ITPR2: variants seen among roughly 807,000 people sequenced by gnomAD.
The protein encoded by ITPR2 is inositol 1,4,5-trisphosphate receptor type 2.
A neutral mutation model predicts 317.1 loss-of-function variants in ITPR2; 207 were observed. The observed-to-expected ratio is 0.65, with a 90% confidence interval of 0.58 to 0.73. The LOEUF (loss-of-function observed/expected upper bound fraction) is 0.73. ITPR2 is among the 30% of genes least tolerant of loss of function. ITPR2 has a pLI of 0.00. For synonymous variants in ITPR2, 1,156 were observed against 1,149.1 expected (o/e 1.01, Z -0.12); for missense variants, 2,613 against 3,284.0 (o/e 0.80, Z 4.99).
At position 26,722,518 on chromosome 12, in the gene ITPR2, T is replaced by C. The variant is rs775107044; in HGVS notation, c.404A>G (p.Asn135Ser). ...HIKSNKYLTV[N>S]KRLPALLEKN... Reference sequence around the variant, plus strand: ...CTCCAGTAAAGCAGGTAATCTCTTGTTGACAGTAAGATATTTGTTGCTTTT... The same window carrying C: ...CTCCAGTAAAGCAGGTAATCTCTTGCTGACAGTAAGATATTTGTTGCTTTT... The change falls in exon 5 of 57, where the codon AAC (asparagine) becomes AGC (serine). Residue 135 changes from asparagine (N) to serine (S), a missense_variant. Asn to Ser is a conservative substitution (Grantham distance 46, BLOSUM62 1). Around this residue, in one of 9 missense-constraint regions of ITPR2, gnomAD observed 515 missense variants for 789.4 expected, o/e 0.65. Transcript: ENST00000381340. 8 of 1,612,908 alleles carry C rather than the reference T, an allele frequency of 5.0e-6. No individual in the cohort carries two copies. The highest frequency in any genetic ancestry group is 6.8e-6 in the Non-Finnish European group (8 of 1,179,282).
intron 37 of ITPR2, among the ~76,000 whole-genome samples, chr12:26,500,791 T>G (rs1179712970): frequency 6.6e-6 from 1 of 152,124 alleles, no homozygotes; most frequent in Non-Finnish European, 1.5e-5. Context: ...GAAAGGATAA[T>G]CAAATTTATG....
At chr12:26,466,356 A>G (rs956113851) in intron 45 of ITPR2, among the ~76,000 whole-genome samples, 5 of 152,220 alleles carry the variant, frequency 3.3e-5, no homozygotes, top group Non-Finnish European at 5.9e-5. Context: ...ATAGGTATCA[A>G]TTATACTCTT....
rs376530867 is a variant in ITPR2 at position 26,399,038 on chromosome 12, G to A, written c.7534C>T (p.Pro2512Ser). Residue 2512 changes from proline (P) to serine (S), a missense_variant, in exon 54 of 57, where the codon CCC becomes TCC. Pro to Ser is a moderately conservative substitution (Grantham distance 74, BLOSUM62 -1). Coordinates refer to ENST00000381340, the MANE Select transcript of ITPR2 (RefSeq NM_002223.4). ...DVLRRPSKDE[P>S]LFAARVVYDL... The stretch of plus-strand genomic sequence containing the variant: ...TAAACCACTCGGGCAGCAAACAAGG[G>A]CTCCTGAAATAAAAATATTTAAAAA... 9 of 1,571,220 alleles carry A rather than the reference G, an allele frequency of 5.7e-6. No individual in the cohort carries two copies. Among genetic ancestry groups the A allele is most frequent in the Non-Finnish European group, 7.7e-6 (9 of 1,166,686 alleles).
intron 26 of ITPR2, among the ~76,000 whole-genome samples, chr12:26,615,524 T>C (rs933185402): frequency 1.3e-5 from 2 of 152,182 alleles, no homozygotes; most frequent in African/African-American, 4.8e-5. Flanking sequence ...ATGTACTATA[T>C]AGTAATATAT....
chr12:26,597,310 G>A (rs1333024321), intron 30 of ITPR2, among the ~76,000 whole-genome samples, 176 bp from the exon 31 acceptor site: 1 of 152,206 alleles, frequency 6.6e-6, no homozygotes, highest in Non-Finnish European at 1.5e-5. Context: ...CCATGCCAAG[G>A]AACCAGCTAT....
chr12:26,340,920 T>C (rs1172836551), intron 55 of ITPR2, among the ~76,000 whole-genome samples: 1 of 152,062 alleles, frequency 6.6e-6, no homozygotes, highest in East Asian at 1.9e-4. Flanking sequence ...TGGGTGAGAG[T>C]TAGACTTCCC....
At position 26,826,464 on chromosome 12, in the gene ITPR2, C is replaced by T. The variant is rs56187875; in HGVS notation, c.92+6226G>A. 9.8e-3 allele frequency among the ~76,000 whole-genome samples: 1,495 copies of T among 152,196 alleles called. 8 individuals are homozygous for T. Among genetic ancestry groups the T allele is most frequent in the Non-Finnish European group, 0.017 (1,133 of 68,022 alleles). ...GAATTATAAACTGTGTGACCCCCTC[C>T]CTATCACCCTACCAGACATCCATCC... On this transcript the variant is annotated intron_variant, in intron 1 of 56. Coordinates refer to ENST00000381340, the MANE Select transcript of ITPR2 (RefSeq NM_002223.4).
In ITPR2 at chr12:26,411,477, C is replaced by T. The variant is rs1053002270; in HGVS notation, c.7307-65G>A. On this transcript the variant is annotated intron_variant, in intron 51 of 56. Transcript: ENST00000381340. ...ATGCACATGATGAAAACTGAACCTA[C>T]AGTTCTAAAGATATGTAAATTAAAG... The T allele has an allele frequency of 1.4e-5, 16 of 1,114,978 alleles. No individual in the cohort carries two copies. The African/African-American group carries it at 2.0e-4, about 14-fold the overall frequency. The allele number at this position is 1,114,978 out of a possible 1,614,324, so 69.1% of individuals were successfully genotyped here.
At chr12:26,442,794 G>A (rs933182047) in intron 46 of ITPR2, among the ~76,000 whole-genome samples, 3 of 152,078 alleles carry the variant, frequency 2.0e-5, no homozygotes, top group African/African-American at 4.8e-5. Context: ...ATACAGTGAT[G>A]CCCATCATGC....
intron 28 of ITPR2, among the ~76,000 whole-genome samples, 199 bp downstream of exon 28, chr12:26,602,170 TG>T (rs1348461535): frequency 1.3e-5 from 2 of 152,002 alleles, no homozygotes; most frequent in Admixed American, 6.6e-5. Context: ...TTTCCTGATA[TG>T]GAAGACTCTA....
intron 25 of ITPR2, 33 bp from the exon 26 acceptor site, chr12:26,621,329 T>A (rs1946488968): frequency 1.3e-6 from 2 of 1,500,912 alleles, no homozygotes; most frequent in South Asian, 1.2e-5. Context: ...TTAGTTGAAG[T>A]TCACTATTTC....
At chr12:26,428,550 C>A (rs749323953) in intron 48 of ITPR2, among the ~76,000 whole-genome samples, 2 of 151,996 alleles carry the variant, frequency 1.3e-5, no homozygotes, top group Admixed American at 6.6e-5. Flanking sequence ...AGTAGAATAA[C>A]CTTTATAAAA....
chr12:26,749,282 C>T (rs1949377145), intron 2 of ITPR2, among the ~76,000 whole-genome samples: 1 of 152,192 alleles, frequency 6.6e-6, no homozygotes, highest in African/African-American at 2.4e-5. Context: ...ACCACTCGGA[C>T]ATATGACTCA....
chr12:26,443,738 A>G, intron 45 of ITPR2, 88 bp from the exon 46 acceptor site: 1 of 911,156 alleles, frequency 1.1e-6, no homozygotes, highest in African/African-American at 1.6e-5. Context: ...ACTTGTACAC[A>G]TAGCTTCAGA....
chr12:26,732,026 C>T (rs558676089), intron 2 of ITPR2, among the ~76,000 whole-genome samples: 1 of 151,292 alleles, frequency 6.6e-6, no homozygotes, highest in African/African-American at 2.4e-5. Context: ...TCTATCCCCC[C>T]ACCTGCCTTG....
intron 40 of ITPR2, 89 bp from the exon 41 acceptor site, chr12:26,486,449 T>G: frequency 9.6e-7 from 1 of 1,040,552 alleles, no homozygotes; most frequent in Non-Finnish European, 1.4e-6. Context: ...CCAAATTCTC[T>G]AACAATTGAA....
intron 37 of ITPR2, among the ~76,000 whole-genome samples, chr12:26,505,452 C>T (rs1943162362): frequency 6.6e-6 from 1 of 152,120 alleles, no homozygotes; most frequent in Non-Finnish European, 1.5e-5. Context: ...GCTTTCTGTC[C>T]CCCGACCCTG....
chr12:26,766,948 G>A (rs1949730659), intron 2 of ITPR2, among the ~76,000 whole-genome samples: 1 of 152,124 alleles, frequency 6.6e-6, no homozygotes, highest in Non-Finnish European at 1.5e-5. Context: ...TATATATGCA[G>A]GTGCATGTGT....
chr12:26,343,045 A>G (rs1004755668), intron 55 of ITPR2, among the ~76,000 whole-genome samples: 3 of 152,138 alleles, frequency 2.0e-5, no homozygotes, highest in African/African-American at 7.2e-5. Flanking sequence ...TTTCTCTGCC[A>G]TATTTTGACG....
Sources: allele counts gnomAD v4.1 joint callset (sites outside exome capture counted in the v4.1 genomes callset), GRCh38; gene constraint gnomAD v4.1.1; regional missense constraint gnomAD v4.1.1; transcripts MANE v1.5; gene names NCBI Gene and HGNC (gene_info 2026-07-23, HGNC 2026-07-21).